The following SLC35F5 variants were observed in gnomAD, a reference collection of about 807,000 sequenced individuals.
SLC35F5 encodes HCV NS5A-transactivated protein 3.
SLC35F5 carries 54 observed loss-of-function variants against 68.6 expected under a neutral mutation model. The observed-to-expected ratio is 0.79, with a 90% CI of 0.63 to 0.99. SLC35F5 has a LOEUF of 0.99. Ranked by LOEUF, SLC35F5 falls within the 50% of genes least tolerant of loss-of-function variation. SLC35F5 has a pLI of 0.00. For synonymous variants in SLC35F5, 211 were observed against 205.2 expected, an observed-to-expected ratio of 1.03 and a Z score of -0.24; for missense variants, 567 against 626.9, an observed-to-expected ratio of 0.90 and a Z score of 1.02.
chr2:113,708,183 A>G lies in SLC35F5; in HGVS notation c.*7035T>C, dbSNP rs2104946085. Among the ~76,000 whole-genome samples the G allele has an allele frequency of 6.6e-6, 1 of 152,330 alleles. No individual in the cohort carries two copies. The highest frequency in any genetic ancestry group is 3.4e-3 in the Middle Eastern group (1 of 294). ...CTTGATTCAATTTTCCCAAATCCCAATCAACTAGCTACAGTTTTTATTGTA... is the reference window on the plus strand; with the variant it reads ...CTTGATTCAATTTTCCCAAATCCCAGTCAACTAGCTACAGTTTTTATTGTA... On this transcript the variant is annotated 3_prime_UTR_variant, in exon 16 of 16. Coordinates refer to ENST00000245680, the MANE Select transcript of SLC35F5 (RefSeq NM_025181.5).
chr2:113,717,084 A>C (rs1687210752), intron 15 of SLC35F5, among the ~76,000 whole-genome samples: 1 of 152,210 alleles, frequency 6.6e-6, no homozygotes, highest in Non-Finnish European at 1.5e-5. Flanking sequence ...ATTCTAAATA[A>C]TCACTTTTGT....
intron 15 of SLC35F5, chr2:113,717,363 C>T (rs1429315792): frequency 6.5e-6 from 1 of 152,914 alleles, no homozygotes; most frequent in African/African-American, 2.4e-5. Flanking sequence ...CTTTTATCAT[C>T]AGAGAAAAAA....
chr2:113,756,133 C>G, intron 1 of SLC35F5: 2 of 1,445,654 alleles, frequency 1.4e-6, no homozygotes, highest in Non-Finnish European at 1.8e-6. Flanking sequence ...ACAGTTAAGG[C>G]AGCGACGCCT....
chr2:113,742,988 A>AC, intron 6 of SLC35F5, 109 bp from the exon 7 acceptor site: 14 of 1,080,030 alleles, frequency 1.3e-5, no homozygotes, highest in Middle Eastern at 2.1e-4. Flanking sequence ...TCAGAGTAAG[A>AC]CAGTCAAAGT....
At chr2:113,736,345 T>C (rs1358540701) in intron 7 of SLC35F5, among the ~76,000 whole-genome samples, 1 of 151,110 alleles carries the variant, frequency 6.6e-6, no homozygotes, top group African/African-American at 2.4e-5. Context: ...CTCAGGAGGC[T>C]GAGGTGGGAA....
At position 113,714,652 on chromosome 2, in the gene SLC35F5, T is replaced by C. The variant is rs1687111608; in HGVS notation, c.*566A>G. On this transcript the variant is annotated 3_prime_UTR_variant, in exon 16 of 16. Transcript: ENST00000245680. ...TAAGTGAACCAGATATTTTCTCAAATACTTATTCTTTTTAAAGTCCCATGA... is the reference window on the plus strand; with the variant it reads ...TAAGTGAACCAGATATTTTCTCAAACACTTATTCTTTTTAAAGTCCCATGA... 6.6e-6 allele frequency: 1 copy of C among 152,150 alleles called. No individual in the cohort carries two copies. The highest frequency in any genetic ancestry group is 2.4e-5 in the African/African-American group (1 of 41,464). The allele number at this position is 152,150 out of a possible 1,614,324, so 9.4% of individuals were successfully genotyped here.
intron 10 of SLC35F5, among the ~76,000 whole-genome samples, chr2:113,730,902 C>T (rs1286010338): frequency 6.6e-6 from 1 of 152,170 alleles, no homozygotes; most frequent in Non-Finnish European, 1.5e-5. Context: ...GTATCCCCCA[C>T]AAGATGCTTA....
chr2:113,755,377 A>G, intron 2 of SLC35F5, 71 bp from the exon 3 acceptor site: 1 of 1,605,140 alleles, frequency 6.2e-7, no homozygotes, highest in Non-Finnish European at 8.5e-7. Context: ...TGAGAACATT[A>G]GTATAACAGA....
chr2:113,727,939 T>G (rs1687732356), intron 11 of SLC35F5, among the ~76,000 whole-genome samples: 1 of 152,228 alleles, frequency 6.6e-6, no homozygotes, highest in Non-Finnish European at 1.5e-5. Context: ...ACTAGCATTT[T>G]ATTCCATTCC....
intron 3 of SLC35F5, 63 bp downstream of exon 3, chr2:113,755,102 T>A: frequency 6.6e-7 from 1 of 1,514,098 alleles, no homozygotes; most frequent in Non-Finnish European, 9.0e-7. Flanking sequence ...CTAGAGTTAC[T>A]ACAGGTTAAG....
chr2:113,720,014 AT>A (rs1284698583), intron 13 of SLC35F5, among the ~76,000 whole-genome samples: 2 of 151,898 alleles, frequency 1.3e-5, no homozygotes, highest in South Asian at 2.1e-4. Context: ...AAAATAAAAA[AT>A]ATCTGTAAGT....
Position 113,708,981 on chromosome 2 carries a change from A to G in SLC35F5, c.*6237T>C, listed in dbSNP as rs1036975529. ...TAAAACTGCCATGGATTCCAACTGT[A>G]CTCAAATATAATACAACTTCTTCAA... On this transcript the variant is annotated 3_prime_UTR_variant, in exon 16 of 16. Transcript: ENST00000245680. Among the ~76,000 whole-genome samples the G allele has an allele frequency of 6.6e-6, 1 of 152,238 alleles. No homozygotes were observed. Among genetic ancestry groups the G allele is most frequent in the Non-Finnish European group, 1.5e-5 (1 of 68,038 alleles).
At chr2:113,747,235 C>T (rs751748595) in intron 4 of SLC35F5, among the ~76,000 whole-genome samples, 106 of 150,558 alleles carry the variant, frequency 7.0e-4, no homozygotes, top group Non-Finnish European at 1.9e-4. Context: ...TGCAGTGAGC[C>T]GAGATCACGC....
At position 113,731,649 on chromosome 2, in the gene SLC35F5, C is replaced by T. The variant is rs1687897093; in HGVS notation, c.921-1G>A. 6.2e-7 allele frequency: 1 copy of T among 1,611,542 alleles called. No individual in the cohort carries two copies. Among genetic ancestry groups the T allele is most frequent in the Non-Finnish European group, 8.5e-7 (1 of 1,177,990 alleles). ...GTTTACCAGTACAACGCCTCCAATG[C>T]TATGAGAATAACAGTCATTAATGAT... On this transcript the variant is annotated splice_acceptor_variant, in intron 9 of 15. Transcript: ENST00000245680. LOFTEE classifies it high-confidence loss of function.
At position 113,709,450 on chromosome 2, in the gene SLC35F5, A is replaced by G. The variant is rs1265041448; in HGVS notation, c.*5768T>C. Reference sequence around the variant, plus strand: ...TATAGCTGAGAAGAGTGAGGGAAGGACGGACCATGGGAGTCAGCATTTTTC... The same window carrying G: ...TATAGCTGAGAAGAGTGAGGGAAGGGCGGACCATGGGAGTCAGCATTTTTC... On this transcript the variant is annotated 3_prime_UTR_variant, in exon 16 of 16. Coordinates refer to ENST00000245680, the MANE Select transcript of SLC35F5 (RefSeq NM_025181.5). Among the ~76,000 whole-genome samples the G allele has an allele frequency of 6.6e-6, 1 of 152,226 alleles. No homozygotes were observed. The highest frequency in any genetic ancestry group is 2.4e-5 in the African/African-American group (1 of 41,462).
chr2:113,752,557 A>G (rs903623581), intron 3 of SLC35F5, among the ~76,000 whole-genome samples: 3 of 152,220 alleles, frequency 2.0e-5, no homozygotes, highest in Admixed American at 2.0e-4. Context: ...AAGAAATAAG[A>G]GAAAAATAAC....
intron 3 of SLC35F5, among the ~76,000 whole-genome samples, chr2:113,754,320 A>T: frequency 6.7e-6 from 1 of 149,492 alleles, no homozygotes; most frequent in Non-Finnish European, 1.5e-5. Flanking sequence ...AAAAAAAAAA[A>T]CTTATATACT....
chr2:113,740,469 A>C (rs1180352050), intron 7 of SLC35F5, among the ~76,000 whole-genome samples: 2 of 152,254 alleles, frequency 1.3e-5, no homozygotes, highest in South Asian at 2.1e-4. Flanking sequence ...TAGCAGATTT[A>C]AAGGTATGTG....
At chr2:113,734,470 T>C in intron 9 of SLC35F5, 116 bp downstream of exon 9, 1 of 633,454 alleles carries the variant, frequency 1.6e-6, no homozygotes. Flanking sequence ...CTTAAAGCCT[T>C]CTTTTATCCA....
Sources: allele counts gnomAD v4.1 joint callset (sites outside exome capture counted in the v4.1 genomes callset), GRCh38; gene constraint gnomAD v4.1.1; transcripts MANE v1.5; gene names NCBI Gene and HGNC (gene_info 2026-07-23, HGNC 2026-07-21).